Variants in FOXN3 observed in about 807,000 individuals in gnomAD.
The protein encoded by FOXN3 is forkhead box N3.
In FOXN3, 7 loss-of-function variants were observed where a neutral mutation model predicts 38.4. That is an observed-to-expected ratio of 0.18 (90% CI 0.10 to 0.34). The LOEUF (loss-of-function observed/expected upper bound fraction) is 0.34, where lower values mean the gene tolerates loss of function less well. Among genes scored for constraint, FOXN3 ranks in the 10% least tolerant of loss-of-function variants. The pLI is 1.00. For synonymous variants in FOXN3, 230 were observed against 242.2 expected (o/e 0.95, Z 0.47); for missense variants, 456 against 613.4 (o/e 0.74, Z 2.71).
intron 1 of FOXN3, among the ~76,000 whole-genome samples, chr14:89,543,797 TC>T (rs1894834904): frequency 6.6e-6 from 1 of 152,164 alleles, no homozygotes; most frequent in African/African-American, 2.4e-5. Context: ...GACTAACTTA[TC>T]AGAAACACTA....
chr14:89,527,022 T>C (rs193093649), intron 1 of FOXN3, among the ~76,000 whole-genome samples: 1 of 150,482 alleles, frequency 6.6e-6, no homozygotes, highest in East Asian at 2.0e-4. Flanking sequence ...TTTTATTTTA[T>C]TGAGGACAGG....
chr14:89,221,700 A>G (rs1210017989), intron 4 of FOXN3, among the ~76,000 whole-genome samples: 1 of 152,212 alleles, frequency 6.6e-6, no homozygotes, highest in Non-Finnish European at 1.5e-5. Context: ...CTGGGAAGTA[A>G]AGTATCCCCT....
At chr14:89,610,992 G>C (rs771856091) in intron 1 of FOXN3, among the ~76,000 whole-genome samples, 1 of 152,206 alleles carries the variant, frequency 6.6e-6, no homozygotes, top group Non-Finnish European at 1.5e-5. Context: ...AAAAGCAGCA[G>C]ACACACATTT....
chr14:89,202,174 G>A lies in FOXN3; in HGVS notation c.746-21368C>T, dbSNP rs144000031. Among the ~76,000 whole-genome samples, 170 of 152,262 alleles carry A rather than the reference G, an allele frequency of 1.1e-3. 1 individual carries two copies. The highest frequency in any genetic ancestry group is 3.7e-3 in the South Asian group (18 of 4,828). ...TGCTCGAGCACTGAAGAACTGGAGG[G>A]TGACTCTGAACATAGGCTCACTTTG... On this transcript the variant is annotated intron_variant, in intron 4 of 5. Coordinates refer to ENST00000557258, the MANE Select transcript of FOXN3 (RefSeq NM_005197.4).
intron 1 of FOXN3, among the ~76,000 whole-genome samples, chr14:89,415,299 CTCTT>C (rs1289111492): frequency 1.6e-4 from 25 of 152,294 alleles, no homozygotes; most frequent in African/African-American, 5.8e-4. Flanking sequence ...ACATGCTGCT[CTCTT>C]TCTTTTTAAT....
At chr14:89,293,445 G>A (rs565194128) in intron 3 of FOXN3, among the ~76,000 whole-genome samples, 2 of 152,222 alleles carry the variant, frequency 1.3e-5, no homozygotes, top group African/African-American at 2.4e-5. Flanking sequence ...TCAGCAGGCT[G>A]TGGGGGAGAA....
intron 1 of FOXN3, among the ~76,000 whole-genome samples, chr14:89,573,015 C>T (rs1330751417): frequency 6.6e-6 from 1 of 152,160 alleles, no homozygotes; most frequent in African/African-American, 2.4e-5. Flanking sequence ...TCTGCTTAGA[C>T]CCTAGAGCAG....
chr14:89,214,444 C>T (rs1421275574), intron 4 of FOXN3, among the ~76,000 whole-genome samples: 2 of 152,196 alleles, frequency 1.3e-5, no homozygotes, highest in South Asian at 2.1e-4. Flanking sequence ...TCCGCTGCCC[C>T]GACAACTTAA....
At chr14:89,247,584 T>C (rs938267583) in intron 4 of FOXN3, among the ~76,000 whole-genome samples, 1 of 152,022 alleles carries the variant, frequency 6.6e-6, no homozygotes, top group African/African-American at 2.4e-5. Flanking sequence ...TAGTGCACAG[T>C]CAACTATATC....
rs1026788604 is a variant in FOXN3 at position 89,322,342 on chromosome 14, C to T, written c.680+28330G>A. Among the ~76,000 whole-genome samples, 4 of 152,214 alleles carry T rather than the reference C, an allele frequency of 2.6e-5. No individual in the cohort carries two copies. In the South Asian group the frequency reaches 8.3e-4, roughly 32 times the overall value. Reference sequence around the variant, plus strand: ...CATACAATTAAATGGCTTCATTCATCTATCAGTAGATGGTTATGAAGCCAG... The same window carrying T: ...CATACAATTAAATGGCTTCATTCATTTATCAGTAGATGGTTATGAAGCCAG... On this transcript the variant is annotated intron_variant, in intron 3 of 5. Transcript: ENST00000557258.
chr14:89,209,773 G>T (rs1470567606), intron 4 of FOXN3, among the ~76,000 whole-genome samples: 1 of 152,044 alleles, frequency 6.6e-6, no homozygotes, highest in Non-Finnish European at 1.5e-5. Context: ...TTTCCTTTTG[G>T]TTCAGTAAAA....
chr14:89,533,605 T>C (rs1489072974), intron 1 of FOXN3, among the ~76,000 whole-genome samples: 1 of 130,120 alleles, frequency 7.7e-6, no homozygotes, highest in African/African-American at 2.9e-5. Flanking sequence ...GAGCTTGCAG[T>C]GAGCGGAGAT....
At chr14:89,450,911 T>C (rs566957029) in intron 1 of FOXN3, among the ~76,000 whole-genome samples, 1 of 152,198 alleles carries the variant, frequency 6.6e-6, no homozygotes, top group Non-Finnish European at 1.5e-5. Context: ...CTAGGACATG[T>C]GGCATGCCAC....
chr14:89,482,612 T>TA (rs1893356863), intron 1 of FOXN3, among the ~76,000 whole-genome samples: 1 of 143,474 alleles, frequency 7.0e-6, no homozygotes, highest in African/African-American at 2.6e-5. Context: ...AAACCCTGTC[T>TA]AAAAAAATGA....
chr14:89,505,524 G>A (rs1037896231), intron 1 of FOXN3, among the ~76,000 whole-genome samples: 1 of 152,204 alleles, frequency 6.6e-6, no homozygotes, highest in African/African-American at 2.4e-5. Context: ...TGATCCGCCA[G>A]CCTCGGCCTC....
At chr14:89,287,102 G>A (rs757099947) in intron 3 of FOXN3, among the ~76,000 whole-genome samples, 18 of 151,996 alleles carry the variant, frequency 1.2e-4, no homozygotes, top group Non-Finnish European at 2.4e-4. Context: ...TGAGATGATG[G>A]GGGAAAAAAA....
chr14:89,321,808 T>TA (rs986624918), intron 3 of FOXN3, among the ~76,000 whole-genome samples: 23 of 150,710 alleles, frequency 1.5e-4, no homozygotes, highest in Non-Finnish European at 3.4e-4. Context: ...TTTTTTTAAA[T>TA]AAAAAAACAA....
At chr14:89,243,833 G>C (rs1295647792) in intron 4 of FOXN3, among the ~76,000 whole-genome samples, 1 of 152,198 alleles carries the variant, frequency 6.6e-6, no homozygotes, top group African/African-American at 2.4e-5. Flanking sequence ...GTAACTGAGA[G>C]GGAAGAATCT....
chr14:89,234,724 G>C (rs1187707411), intron 4 of FOXN3, among the ~76,000 whole-genome samples: 2 of 150,048 alleles, frequency 1.3e-5, no homozygotes, highest in African/African-American at 4.9e-5. Flanking sequence ...TAAAGGAGAA[G>C]ATCTTTATTT....
Sources: gnomAD v4.1 joint callset for allele counts (sites outside exome capture counted in the v4.1 genomes callset) on GRCh38, gnomAD v4.1.1 for gene constraint, MANE v1.5 for transcripts, NCBI Gene and HGNC (gene_info 2026-07-23, HGNC 2026-07-21) for gene names.